The following DPYD variants were observed in gnomAD, a reference collection of about 807,000 sequenced individuals.
DPYD encodes the protein dihydropyrimidine dehydrogenase [NADP(+)].
Under a neutral mutation model 116.2 loss-of-function variants are expected in DPYD, and 109 were observed. That is an observed-to-expected ratio of 0.94 (90% CI 0.80 to 1.10). The LOEUF is 1.10. Among genes scored for constraint, DPYD ranks in the 50% least tolerant of loss-of-function variants. The probability of loss-of-function intolerance (pLI) is 0.00; values close to 1 mark genes in which losing one functional copy is unlikely to be tolerated. For synonymous variants in DPYD, 440 were observed against 432.0 expected, an observed-to-expected ratio of 1.02 and a Z score of -0.23; for missense variants, 1,302 against 1,254.5, an observed-to-expected ratio of 1.04 and a Z score of -0.57.
At chr1:97,408,976 C>T (rs1006723264) in intron 14 of DPYD, among the ~76,000 whole-genome samples, 1 of 152,126 alleles carries the variant, frequency 6.6e-6, no homozygotes, top group Non-Finnish European at 1.5e-5. Context: ...AGCTTCCCTA[C>T]TTTTGAGGTT....
chr1:97,663,036 A>C (rs1425932278), intron 8 of DPYD, among the ~76,000 whole-genome samples: 1 of 152,234 alleles, frequency 6.6e-6, no homozygotes, highest in Non-Finnish European at 1.5e-5. Context: ...TATTACTCCC[A>C]ACAATCATGA....
chr1:97,876,736 T>C (rs545941299), intron 2 of DPYD, among the ~76,000 whole-genome samples: 44 of 151,968 alleles, frequency 2.9e-4, no homozygotes, highest in Non-Finnish European at 5.3e-4. Context: ...GGAAATAATA[T>C]AACTACAGAA....
At chr1:97,537,525 C>T (rs1650100991) in intron 12 of DPYD, among the ~76,000 whole-genome samples, 1 of 127,760 alleles carries the variant, frequency 7.8e-6, no homozygotes, top group African/African-American at 3.4e-5. Context: ...CACATAATCT[C>T]AACCCAAAAA....
intron 13 of DPYD, among the ~76,000 whole-genome samples, chr1:97,459,670 T>C (rs1676909156): frequency 6.6e-6 from 1 of 151,798 alleles, no homozygotes; most frequent in Admixed American, 6.6e-5. Context: ...GACTTATAAC[T>C]CAAGGATAAA....
rs72965844 is a variant in DPYD, at chr1:97,125,633, G to C, written c.2623-27001C>G. On this transcript the variant is annotated intron_variant, in intron 20 of 22. Transcript: ENST00000370192. Reference sequence around the variant, plus strand: ...TGAAACCCCAACCTCCAAAGTGATGGTAGTAGGAGGTAGGGACTTTGGGAA... The same window carrying C: ...TGAAACCCCAACCTCCAAAGTGATGCTAGTAGGAGGTAGGGACTTTGGGAA... Among the ~76,000 whole-genome samples, 743 of 152,126 alleles carry C rather than the reference G, an allele frequency of 4.9e-3. 2 individuals are homozygous for C. Among genetic ancestry groups the C allele is most frequent in the African/African-American group, 0.017 (705 of 41,526 alleles).
chr1:97,168,766 T>C (rs536621460), intron 20 of DPYD, among the ~76,000 whole-genome samples: 1 of 152,164 alleles, frequency 6.6e-6, no homozygotes, highest in African/African-American at 2.4e-5. Flanking sequence ...CACCCTTTGA[T>C]AAAAATGAAT....
Position 97,515,823 on chromosome 1 carries a change from A to C in DPYD, c.1643T>G (p.Leu548Arg), listed in dbSNP as rs1362456455. ...GCTGGTGGCTGGAGTTGCGCTAGCA[A>C]GACCAAAAGGATTTATAAACTTCAA... The part of the protein sequence containing the change: ...AGLKFINPFG[L>R]ASATPATSTS... The change falls in exon 13 of 23, where the codon CTT becomes CGT. Residue 548 changes from leucine to arginine, a missense_variant. Transcript: ENST00000370192. The C allele has an allele frequency of 1.9e-6, 3 of 1,612,930 alleles. No individual in the cohort carries two copies. Among genetic ancestry groups the C allele is most frequent in the Non-Finnish European group, 2.5e-6 (3 of 1,179,334 alleles).
At chr1:97,283,435 G>A (rs569880349) in intron 18 of DPYD, among the ~76,000 whole-genome samples, 23 of 152,102 alleles carry the variant, frequency 1.5e-4, no homozygotes, top group Admixed American at 3.9e-4. Context: ...TCATCTAGGT[G>A]AAAAAGTTGC....
intron 22 of DPYD, among the ~76,000 whole-genome samples, chr1:97,081,501 C>T (rs946363468): frequency 6.6e-6 from 1 of 152,072 alleles, no homozygotes; most frequent in Non-Finnish European, 1.5e-5. Flanking sequence ...TTGTTATGAT[C>T]ATTTTTTCAT....
rs140155518 is a variant in DPYD at position 97,577,803 on chromosome 1, T to C, written c.1129-3833A>G. On this transcript the variant is annotated intron_variant, in intron 10 of 22. Transcript: ENST00000370192. Reference sequence around the variant, plus strand: ...ATTATTTGTCTTGTTATAAGTATTGTCTTATTATTTTTGTTATTTTTTATT... The same window carrying C: ...ATTATTTGTCTTGTTATAAGTATTGCCTTATTATTTTTGTTATTTTTTATT... 3.3e-5 allele frequency among the ~76,000 whole-genome samples: 5 copies of C among 152,134 alleles called. No individual in the cohort carries two copies. The East Asian group carries it at 9.7e-4, about 29-fold the overall frequency.
intron 16 of DPYD, among the ~76,000 whole-genome samples, chr1:97,306,732 C>G (rs79333270): frequency 0.018 from 2,659 of 151,872 alleles, 92 homozygotes; most frequent in African/African-American, 0.061. Context: ...AAATCTAAAG[C>G]TTGTTTTCAT....
Position 97,721,595 on chromosome 1 carries a change from G to A in DPYD, c.398C>T (p.Ser133Phe). 1.9e-6 allele frequency: 3 copies of A among 1,611,908 alleles called. No homozygotes were observed. Among genetic ancestry groups the A allele is most frequent in the Non-Finnish European group, 2.5e-6 (3 of 1,178,492 alleles). ...GLTCGMVCPT[S>F]DLCVGGCNLY... ...ATTGCATCCACCTACACAAAGATCA[G>A]AGGTTGGACATACCATTCCACAAGT... is the stretch of plus-strand genomic sequence containing the variant. Residue 133 changes from serine (S) to phenylalanine (F), a missense_variant, in exon 5 of 23, where the codon TCT becomes TTT. Coordinates refer to ENST00000370192, the MANE Select transcript of DPYD (RefSeq NM_000110.4).
intron 8 of DPYD, among the ~76,000 whole-genome samples, chr1:97,598,416 A>C (rs2102269244): frequency 6.6e-6 from 1 of 152,352 alleles, no homozygotes; most frequent in Admixed American, 6.5e-5. Context: ...TGAATTGACA[A>C]AGATTTGACA....
chr1:97,773,969 C>T (rs567817964), intron 3 of DPYD, among the ~76,000 whole-genome samples: 3 of 152,318 alleles, frequency 2.0e-5, no homozygotes, highest in Non-Finnish European at 4.4e-5. Flanking sequence ...GGCTGATTAA[C>T]ACAAGCTGCC....
intron 16 of DPYD, among the ~76,000 whole-genome samples, chr1:97,359,179 T>C (rs1553164036): frequency 6.6e-6 from 1 of 152,000 alleles, no homozygotes; most frequent in Non-Finnish European, 1.5e-5. Context: ...CAAGCTTCAA[T>C]AGCCAATTTG....
At chr1:97,630,505 C>G (rs779215811) in intron 8 of DPYD, among the ~76,000 whole-genome samples, 3 of 152,052 alleles carry the variant, frequency 2.0e-5, no homozygotes, top group Non-Finnish European at 4.4e-5. Flanking sequence ...TCCTGCAGCT[C>G]GAAGCTAACA....
At chr1:97,489,501 A>G (rs1284620838) in intron 13 of DPYD, among the ~76,000 whole-genome samples, 1 of 152,204 alleles carries the variant, frequency 6.6e-6, no homozygotes. Context: ...AGATTGGCAA[A>G]TTTTATCAAC....
chr1:97,681,935 T>A (rs1660448486), intron 7 of DPYD, among the ~76,000 whole-genome samples: 1 of 152,268 alleles, frequency 6.6e-6, no homozygotes, highest in Admixed American at 6.5e-5. Context: ...ATCTTAGGTT[T>A]ACTTTATTCA....
At chr1:97,441,185 C>T (rs1022914471) in intron 14 of DPYD, among the ~76,000 whole-genome samples, 2 of 151,708 alleles carry the variant, frequency 1.3e-5, no homozygotes, top group Admixed American at 1.3e-4. Context: ...GTTTCTTATG[C>T]TTGGAGTTGA....
Sources: gnomAD v4.1 joint callset for allele counts (sites outside exome capture counted in the v4.1 genomes callset) on GRCh38, gnomAD v4.1.1 for gene constraint, MANE v1.5 for transcripts, NCBI Gene and HGNC (gene_info 2026-07-23, HGNC 2026-07-21) for gene names.